Variants in ADAM2 observed in about 807,000 individuals in gnomAD.
The protein encoded by ADAM2 is ADAM metallopeptidase domain 2, also known as disintegrin and metalloproteinase domain-containing protein 2.
In ADAM2, 101 loss-of-function variants were observed where a neutral mutation model predicts 99.3. The ratio of observed to expected loss-of-function variants is 1.02; its 90% CI spans 0.87 to 1.20. ADAM2 has a LOEUF of 1.20. Among genes scored for constraint, ADAM2 ranks in the 50% most tolerant of loss-of-function variants. ADAM2 has a pLI of 0.00. For synonymous variants in ADAM2, 323 were observed against 287.6 expected, an observed-to-expected ratio of 1.12 and a Z score of -1.25; for missense variants, 948 against 878.7, an observed-to-expected ratio of 1.08 and a Z score of -1.00.
intron 7 of ADAM2, among the ~76,000 whole-genome samples, chr8:39,800,138 G>A (rs1041717820): frequency 6.6e-6 from 1 of 152,094 alleles, no homozygotes; most frequent in Non-Finnish European, 1.5e-5. Context: ...TTTAAGTTTT[G>A]GTGCGTTTTT....
At chr8:39,809,362 C>G (rs2129586944) in intron 7 of ADAM2, 48 bp downstream of exon 7, 3 of 767,704 alleles carry the variant, frequency 3.9e-6, no homozygotes, top group Admixed American at 5.0e-5. Context: ...TTATTACAAT[C>G]CCTCATTGCA....
chr8:39,823,089 A>G (rs1391763449), intron 4 of ADAM2, among the ~76,000 whole-genome samples: 1 of 151,868 alleles, frequency 6.6e-6, no homozygotes, highest in Admixed American at 6.6e-5. Context: ...TTATGTGCAC[A>G]TACATTTTAG....
intron 14 of ADAM2, among the ~76,000 whole-genome samples, chr8:39,761,831 C>T (rs1015128715): frequency 6.6e-6 from 1 of 152,112 alleles, no homozygotes; most frequent in Non-Finnish European, 1.5e-5. Flanking sequence ...CCTGTAACCC[C>T]AGGACTTTGG....
intron 16 of ADAM2, among the ~76,000 whole-genome samples, chr8:39,753,059 A>G (rs1802010431): frequency 6.6e-6 from 1 of 152,208 alleles, no homozygotes; most frequent in Non-Finnish European, 1.5e-5. Flanking sequence ...GAACTGGGTA[A>G]CAGCCAGAGA....
intron 15 of ADAM2, among the ~76,000 whole-genome samples, chr8:39,758,768 A>G (rs891037606): frequency 6.6e-6 from 1 of 152,090 alleles, no homozygotes; most frequent in Non-Finnish European, 1.5e-5. Context: ...AAAAAGTCCT[A>G]CAGACTTTTG....
intron 15 of ADAM2, among the ~76,000 whole-genome samples, chr8:39,756,933 A>T (rs528558585): frequency 6.6e-6 from 1 of 152,356 alleles, no homozygotes; most frequent in East Asian, 1.9e-4. Context: ...ACATTGTCCA[A>T]GCCACAGTTA....
intron 11 of ADAM2, among the ~76,000 whole-genome samples, chr8:39,775,918 T>G (rs1466029262): frequency 6.6e-6 from 1 of 152,070 alleles, no homozygotes; most frequent in Admixed American, 6.6e-5. Flanking sequence ...AACTTACTAT[T>G]TCCTAGATGC....
chr8:39,745,958 AATT>A (rs1192275524), intron 19 of ADAM2, among the ~76,000 whole-genome samples: 1 of 151,840 alleles, frequency 6.6e-6, no homozygotes, highest in Non-Finnish European at 1.5e-5. Context: ...TTAAAATTGC[AATT>A]ATTATATGTG....
Position 39,820,424 on chromosome 8 carries a change from A to G in ADAM2, c.513+578T>C, listed in dbSNP as rs568152715. Among the ~76,000 whole-genome samples the G allele has an allele frequency of 2.6e-5, 4 of 152,286 alleles. No individual in the cohort carries two copies. In the East Asian group the frequency reaches 7.7e-4, roughly 29 times the overall value. On this transcript the variant is annotated intron_variant, in intron 6 of 20. Transcript: ENST00000265708. Reference sequence around the variant, plus strand: ...TACTGCCGTCAAAGAGAAAGCATTGAGTGGGAAGCAGTGGGATCCTGAAAA... The same window carrying G: ...TACTGCCGTCAAAGAGAAAGCATTGGGTGGGAAGCAGTGGGATCCTGAAAA...
chr8:39,763,157 C>A lies in ADAM2; in HGVS notation c.1508-1876G>T, dbSNP rs866302253. Among the ~76,000 whole-genome samples, 4 of 152,046 alleles carry A rather than the reference C, an allele frequency of 2.6e-5. No homozygotes were observed. In the South Asian group the frequency reaches 8.3e-4, roughly 32 times the overall value. On this transcript the variant is annotated intron_variant, in intron 14 of 20. Transcript: ENST00000265708. ...TAAACTTTCCATTCCCTGGAAAAAT[C>A]TCTGTTACCAGGTGGCTAGGGCTAC...
At position 39,792,086 on chromosome 8, in the gene ADAM2, C is replaced by CT. The variant is rs1006738950; in HGVS notation, c.571-3347dup. Among the ~76,000 whole-genome samples, 399 of 148,174 alleles carry CT rather than the reference C, an allele frequency of 2.7e-3. 2 individuals carry two copies. The highest frequency in any genetic ancestry group is 8.1e-3 in the African/African-American group (327 of 40,516). On this transcript the variant is annotated intron_variant, in intron 7 of 20. Coordinates refer to ENST00000265708, the MANE Select transcript of ADAM2 (RefSeq NM_001464.5). ...AGCAGTGTAGCACTACCATCTTGGG[C>CT]TTTTTTTTTTCTCAGCTCCAAGAAA...
chr8:39,767,480 T>C (rs770514449), intron 12 of ADAM2, among the ~76,000 whole-genome samples: 1 of 152,218 alleles, frequency 6.6e-6, no homozygotes, highest in Non-Finnish European at 1.5e-5. Context: ...TTGGTTACAC[T>C]GATAAAAGGA....
intron 7 of ADAM2, among the ~76,000 whole-genome samples, chr8:39,798,744 A>G (rs1804079585): frequency 6.6e-6 from 1 of 152,116 alleles, no homozygotes; most frequent in African/African-American, 2.4e-5. Context: ...TCAGAGACTC[A>G]ACATCTTCCT....
At chr8:39,788,351 A>G (rs1296943442) in intron 8 of ADAM2, 100 bp from the exon 9 acceptor site, 17 of 715,258 alleles carry the variant, frequency 2.4e-5, no homozygotes, top group Non-Finnish European at 3.4e-5. Context: ...TTAAACAACT[A>G]AACTATAAGT....
At chr8:39,829,547 C>T (rs1805536817) in intron 3 of ADAM2, among the ~76,000 whole-genome samples, 1 of 151,720 alleles carries the variant, frequency 6.6e-6, no homozygotes, top group Admixed American at 6.6e-5. Context: ...AAACATCTAC[C>T]ACTATTAATA....
chr8:39,765,620 C>T (rs548373282), intron 14 of ADAM2, among the ~76,000 whole-genome samples: 3 of 152,302 alleles, frequency 2.0e-5, no homozygotes, highest in African/African-American at 7.2e-5. Context: ...CCTCTTCTTT[C>T]TTTCTGCCTT....
intron 16 of ADAM2, 91 bp from the exon 17 acceptor site, chr8:39,749,835 G>A (rs894242399): frequency 3.3e-6 from 3 of 897,202 alleles, no homozygotes; most frequent in Admixed American, 2.3e-5. Context: ...ATATTACCAT[G>A]GACTAATAAA....
intron 10 of ADAM2, among the ~76,000 whole-genome samples, chr8:39,782,688 T>A (rs894673409): frequency 2.6e-5 from 4 of 152,172 alleles, no homozygotes; most frequent in Non-Finnish European, 5.9e-5. Context: ...ATATGTGTAA[T>A]GTCTATATGA....
At chr8:39,821,534 A>T in intron 5 of ADAM2, 52 bp downstream of exon 5, 1 of 1,334,648 alleles carries the variant, frequency 7.5e-7, no homozygotes, top group African/African-American at 1.5e-5. Context: ...TGTTTAAAAT[A>T]ATTTTGAAGT....
Sources: allele counts gnomAD v4.1 joint callset (sites outside exome capture counted in the v4.1 genomes callset), GRCh38; gene constraint gnomAD v4.1.1; transcripts MANE v1.5; gene names NCBI Gene and HGNC (gene_info 2026-07-23, HGNC 2026-07-21).